NSD1: variants seen among roughly 807,000 people sequenced by gnomAD.
NSD1 encodes the protein nuclear receptor binding SET domain protein 1, also known as histone-lysine N-methyltransferase, H3 lysine-36 specific.
A neutral mutation model predicts 242.7 loss-of-function variants in NSD1; 26 were observed. That is an observed-to-expected ratio of 0.11 (90% confidence interval 0.08 to 0.15). NSD1 has a LOEUF of 0.15. Among genes scored for constraint, NSD1 ranks in the 10% least tolerant of loss-of-function variants. NSD1 has a pLI of 1.00. For synonymous variants in NSD1, 1,106 were observed against 1,178.1 expected, an observed-to-expected ratio of 0.94 and a Z score of 1.25; for missense variants, 2,495 against 3,272.8, an observed-to-expected ratio of 0.76 and a Z score of 5.80.
chr5:177,164,444 A>G lies in NSD1; in HGVS notation c.928-27440A>G, dbSNP rs575367940. On this transcript the variant is annotated intron_variant, in intron 2 of 22. Transcript: ENST00000439151. ...AGTGCTGGGATCACAGGTGTGAGCC[A>G]CTGCGCCCGGGCTCAAAATGTAACG... 3.0e-4 allele frequency among the ~76,000 whole-genome samples: 46 copies of G among 152,090 alleles called. No individual in the cohort carries two copies. In the East Asian group the frequency reaches 7.4e-3, roughly 24 times the overall value.
chr5:177,149,827 G>A (rs117341384), intron 2 of NSD1, among the ~76,000 whole-genome samples: 40 of 152,252 alleles, frequency 2.6e-4, no homozygotes, highest in East Asian at 1.5e-3. Flanking sequence ...TATGCAGCCC[G>A]GTTCCTAACA....
intron 2 of NSD1, among the ~76,000 whole-genome samples, chr5:177,175,903 T>C (rs1242113659): frequency 6.7e-6 from 1 of 150,142 alleles, no homozygotes; most frequent in African/African-American, 2.5e-5. Flanking sequence ...TGAAATGGAG[T>C]CTTGCCCTGT....
intron 2 of NSD1, among the ~76,000 whole-genome samples, chr5:177,188,538 C>T (rs1474120943): frequency 6.6e-6 from 1 of 152,170 alleles, no homozygotes; most frequent in Non-Finnish European, 1.5e-5. Context: ...TTGTGTTTCT[C>T]AATGGCCTTG....
intron 2 of NSD1, among the ~76,000 whole-genome samples, chr5:177,165,974 A>G (rs1759159999): frequency 1.4e-5 from 2 of 147,176 alleles, no homozygotes; most frequent in Admixed American, 6.9e-5. Flanking sequence ...CGGTGGCGCA[A>G]TCTCGGCTCA....
Position 177,294,632 on chromosome 5 carries a change from G to C in NSD1, c.7264G>C (p.Glu2422Gln), listed in dbSNP as rs765351669. Residue 2422 changes from glutamate to glutamine, a missense_variant, in exon 23 of 23, where the codon GAG (glutamate) becomes CAG (glutamine). Glu to Gln is a conservative substitution (Grantham distance 29). Around this residue, in one of 19 missense-constraint regions of NSD1, gnomAD observed 475 missense variants for 563.7 expected, o/e 0.84. Transcript: ENST00000439151. ...TTTGTCCCAGAGACTCCCACCTCCT[G>C]AGAAAGTACTATCAGCTGTGGTCCA... is the stretch of plus-strand genomic sequence containing the variant. Reference protein sequence around the residue: ...ASLSQRLPPPEKVLSAVVQTL... With the variant: ...ASLSQRLPPPQKVLSAVVQTL... 5 of 1,614,068 alleles carry C rather than the reference G, an allele frequency of 3.1e-6. No individual in the cohort carries two copies. The African/African-American group carries it at 6.7e-5, about 22-fold the overall frequency.
chr5:177,158,997 T>TTTATATATATATATATGAA (rs1459476774), intron 2 of NSD1, among the ~76,000 whole-genome samples: 3 of 63,334 alleles, frequency 4.7e-5, no homozygotes, highest in African/African-American at 3.8e-4. Context: ...TATGAATGAT[T>TTTATATATATATATATGAA]TTATATATAT....
At position 177,162,482 on chromosome 5, in the gene NSD1, G is replaced by T. The variant is rs180910121; in HGVS notation, c.927+26452G>T. On this transcript the variant is annotated intron_variant, in intron 2 of 22. Transcript: ENST00000439151. ...AGGATCTCGGCTCACTGCAACCTCT[G>T]CATCCCAGATTCAAGCGATCCTCTC... 9.5e-4 allele frequency among the ~76,000 whole-genome samples: 144 copies of T among 151,896 alleles called. 1 individual carries two copies. The highest frequency in any genetic ancestry group is 3.2e-3 in the African/African-American group (133 of 41,406).
rs368259991 is a variant in NSD1, at chr5:177,234,780, G to GACTTTAGAGGAAAC, written c.3797-1039_3797-1026dup. On this transcript the variant is annotated intron_variant, in intron 5 of 22. Transcript: ENST00000439151. ...AATACTCGTTGTTAATGAGACAGAT[G>GACTTTAGAGGAAAC]ACTTTAGAGGAAACATTTTAAAAAG... Among the ~76,000 whole-genome samples the GACTTTAGAGGAAAC allele has an allele frequency of 4.3e-3, 649 of 152,236 alleles. 3 individuals carry two copies. Among genetic ancestry groups the GACTTTAGAGGAAAC allele is most frequent in the African/African-American group, 0.014 (593 of 41,540 alleles).
chr5:177,260,123 A>C lies in NSD1; in HGVS notation c.5101A>C (p.Asn1701His). The C allele has an allele frequency of 6.2e-7, 1 of 1,614,118 alleles. No homozygotes were observed. The highest frequency in any genetic ancestry group is 8.5e-7 in the Non-Finnish European group (1 of 1,180,024). Reference sequence around the variant, plus strand: ...CTTTACCCCTAGGCGGGGCTGCCGAAATCATGAGCATGTTAATGTTAGCTG... The same window carrying C: ...CTTTACCCCTAGGCGGGGCTGCCGACATCATGAGCATGTTAATGTTAGCTG... ...NHFTPRRGCR[N>H]HEHVNVSWCF... Residue 1701 changes from asparagine to histidine, a missense_variant, in exon 14 of 23, where the codon AAT becomes CAT. Asn to His is a moderately conservative substitution (Grantham distance 68). Transcript: ENST00000439151.
chr5:177,251,307 G>C (rs1048821401), intron 11 of NSD1, among the ~76,000 whole-genome samples: 1 of 152,136 alleles, frequency 6.6e-6, no homozygotes, highest in Non-Finnish European at 1.5e-5. Flanking sequence ...TTTCAGAAAA[G>C]TGATCTCTCT....
intron 5 of NSD1, among the ~76,000 whole-genome samples, chr5:177,226,853 C>A (rs963655224): frequency 6.6e-6 from 1 of 151,928 alleles, no homozygotes; most frequent in African/African-American, 2.4e-5. Context: ...TGTTAAGGGG[C>A]TGCATGTATA....
At chr5:177,175,151 G>A (rs989428777) in intron 2 of NSD1, among the ~76,000 whole-genome samples, 5 of 152,132 alleles carry the variant, frequency 3.3e-5, no homozygotes, top group African/African-American at 9.7e-5. Flanking sequence ...GATTATAGGC[G>A]TGAGCCACTA....
chr5:177,151,178 A>T (rs550873717), intron 2 of NSD1, among the ~76,000 whole-genome samples: 1 of 152,246 alleles, frequency 6.6e-6, no homozygotes, highest in South Asian at 2.1e-4. Flanking sequence ...AGGAGTCGAG[A>T]CCAGCCTGGC....
chr5:177,167,464 G>A (rs1759302328), intron 2 of NSD1, among the ~76,000 whole-genome samples: 2 of 152,110 alleles, frequency 1.3e-5, no homozygotes, highest in Admixed American at 1.3e-4. Flanking sequence ...GAACCTGGGA[G>A]GCAGAGGTTG....
intron 2 of NSD1, among the ~76,000 whole-genome samples, chr5:177,166,510 A>T (rs1393562552): frequency 6.6e-6 from 1 of 151,108 alleles, no homozygotes; most frequent in East Asian, 2.0e-4. Flanking sequence ...GTACCACTGC[A>T]CTCCAGCCTG....
chr5:177,274,907 T>G (rs1224508699), intron 17 of NSD1, among the ~76,000 whole-genome samples: 2 of 151,858 alleles, frequency 1.3e-5, no homozygotes, highest in Non-Finnish European at 2.9e-5. Flanking sequence ...CTAATTTTTG[T>G]ATTTTTAGTA....
intron 2 of NSD1, among the ~76,000 whole-genome samples, chr5:177,158,265 CT>C (rs1387967925): frequency 9.8e-6 from 1 of 101,622 alleles, no homozygotes; most frequent in Non-Finnish European, 1.8e-5. Flanking sequence ...TTCTTTCTTT[CT>C]TTCTTTCTTT....
chr5:177,153,274 G>A (rs562892806), intron 2 of NSD1, among the ~76,000 whole-genome samples: 43 of 149,192 alleles, frequency 2.9e-4, no homozygotes, highest in African/African-American at 1.0e-3. Flanking sequence ...ATATATAGTT[G>A]GCTCTTGATG....
intron 13 of NSD1, among the ~76,000 whole-genome samples, chr5:177,258,535 G>T (rs1393031683): frequency 6.7e-6 from 1 of 150,372 alleles, no homozygotes; most frequent in Non-Finnish European, 1.5e-5. Context: ...GTTGTTGTTT[G>T]TTGTTGTTTT....
Sources: allele counts gnomAD v4.1 joint callset (sites outside exome capture counted in the v4.1 genomes callset), GRCh38; gene constraint gnomAD v4.1.1; regional missense constraint gnomAD v4.1.1; transcripts MANE v1.5; gene names NCBI Gene and HGNC (gene_info 2026-07-23, HGNC 2026-07-21).